Variants in RBP3 observed in about 807,000 individuals in gnomAD.
The protein encoded by RBP3 is retinol binding protein 3, also known as retinol-binding protein 3.
In RBP3, 50 loss-of-function variants were observed where a neutral mutation model predicts 64.8. The observed-to-expected ratio is 0.77, with a 90% CI of 0.61 to 0.98. The LOEUF is 0.98. Among genes scored for constraint, RBP3 ranks in the 50% least tolerant of loss-of-function variants. RBP3 has a pLI of 0.00. For missense variants in RBP3, 1,712 were observed against 1,660.5 expected (o/e 1.03, Z -0.54); for synonymous variants, 828 against 730.2 (o/e 1.13, Z -2.16).
rs1837005902 is a variant in RBP3, at chr10:47,353,453, G to A, written c.3183G>A (p.Arg1061=). Residue 1061 remains arginine (R), a synonymous_variant, in exon 2 of 4, where the codon AGG becomes AGA. Coordinates refer to ENST00000584701, the MANE Select transcript of RBP3 (RefSeq NM_002900.3). The stretch of plus-strand genomic sequence containing the variant: ...GTGAGCTGCTCACCCAGGTCTCCAG[G>A]CTGCTGGTGGAGCACATCTGGAAGA... ...GDGELLTQVS[R]LLVEHIWKKI... The A allele has an allele frequency of 3.7e-6, 6 of 1,614,174 alleles. No homozygotes were observed. Among genetic ancestry groups the A allele is most frequent in the Non-Finnish European group, 5.1e-6 (6 of 1,180,044 alleles).
Position 47,348,541 on chromosome 10 carries a change from C to A in RBP3, c.57C>A (p.Pro19=). 1 of 1,611,732 alleles carries A rather than the reference C, an allele frequency of 6.2e-7. No individual in the cohort carries two copies. The highest frequency in any genetic ancestry group is 8.5e-7 in the Non-Finnish European group (1 of 1,180,018). ...MSVLLCGLAG[P]THLFQPSLVL... ...TGCTGCTCTGTGGCCTGGCTGGCCC[C>A]ACACACCTGTTCCAGCCAAGCCTGG... The change falls in exon 1 of 4, where the codon CCC becomes CCA. Residue 19 remains proline, a synonymous_variant. Transcript: ENST00000584701.
chr10:47,350,208 A>T lies in RBP3; in HGVS notation c.1724A>T (p.His575Leu). 6.2e-7 allele frequency: 1 copy of T among 1,609,934 alleles called. No homozygotes were observed. The highest frequency in any genetic ancestry group is 1.7e-5 in the Admixed American group (1 of 60,020). Residue 575 changes from histidine (H) to leucine (L), a missense_variant, in exon 1 of 4, where the codon CAC (histidine) becomes CTC (leucine). Physicochemically the swap from His to Leu is moderately conservative, Grantham distance 99. Transcript: ENST00000584701. ...VGEITAGNLL[H>L]TRTVPLLDTP... is the part of the protein sequence containing the mutation. Reference sequence around the variant, plus strand: ...GAGATCACCGCGGGCAACCTGCTGCACACCCGCACGGTGCCGCTGCTGGAC... The same window carrying T: ...GAGATCACCGCGGGCAACCTGCTGCTCACCCGCACGGTGCCGCTGCTGGAC...
rs781828345 is a variant in RBP3 at position 47,349,460 on chromosome 10, C to T, written c.976C>T (p.Leu326Phe). ...ALAILTLRSA[L>F]PGVVHCLQEV... ...GGCCATCCTCACTCTGCGCAGCGCC[C>T]TTCCAGGGGTAGTCCACTGCCTCCA... Residue 326 changes from leucine (L) to phenylalanine (F), a missense_variant, in exon 1 of 4, where the codon CTT (leucine) becomes TTT (phenylalanine). Leu to Phe is a conservative substitution (Grantham distance 22). Coordinates refer to ENST00000584701, the MANE Select transcript of RBP3 (RefSeq NM_002900.3). 1 of 1,612,720 alleles carries T rather than the reference C, an allele frequency of 6.2e-7. No homozygotes were observed. The highest frequency in any genetic ancestry group is 8.5e-7 in the Non-Finnish European group (1 of 1,180,016).
At position 47,357,493 on chromosome 10, in the gene RBP3, G is replaced by A; in HGVS notation, c.*36G>A. 1 of 1,556,224 alleles carries A rather than the reference G, an allele frequency of 6.4e-7. No individual in the cohort carries two copies. Among genetic ancestry groups the A allele is most frequent in the Non-Finnish European group, 8.7e-7 (1 of 1,146,620 alleles). On this transcript the variant is annotated 3_prime_UTR_variant, in exon 4 of 4. Transcript: ENST00000584701. ...CATAGGCAGAGCCCCAGGGCAGACA[G>A]AACCTCTGGGACACACACCAAGGGC... is the stretch of plus-strand genomic sequence containing the variant.
intron 2 of RBP3, among the ~76,000 whole-genome samples, chr10:47,354,573 T>C (rs1837021815): frequency 6.6e-6 from 1 of 152,248 alleles, no homozygotes; most frequent in African/African-American, 2.4e-5. Flanking sequence ...AGAAGTTCTG[T>C]TGAGCACCCA....
intron 3 of RBP3, among the ~76,000 whole-genome samples, 178 bp from the exon 4 acceptor site, chr10:47,356,919 GTCCCC>G (rs1555212025): frequency 3.9e-5 from 6 of 152,194 alleles, no homozygotes; most frequent in Non-Finnish European, 7.3e-5. Flanking sequence ...ATGCATTCTT[GTCCCC>G]ATTTTACGGA....
rs781801875 is a variant in RBP3 at position 47,350,736 on chromosome 10, T to C, written c.2252T>C (p.Met751Thr). ...CTGGGCTACCTGCGTTTTGACGCCA[T>C]GGCTGAACTGGAGACAGTGAAGGCC... Reference protein sequence around the residue: ...GQLGYLRFDAMAELETVKAVG... With the variant: ...GQLGYLRFDATAELETVKAVG... Residue 751 changes from methionine to threonine, a missense_variant, in exon 1 of 4, where the codon ATG becomes ACG. By Grantham distance (81) the Met-to-Thr change is moderately conservative. Transcript: ENST00000584701. The C allele has an allele frequency of 3.1e-6, 5 of 1,613,208 alleles. No homozygotes were observed. The Admixed American group carries it at 6.7e-5, about 21-fold the overall frequency.
rs1555211402 is a variant in RBP3, at chr10:47,350,551, C to G, written c.2067C>G (p.Asp689Glu). The G allele has an allele frequency of 6.2e-7, 1 of 1,612,988 alleles. No individual in the cohort carries two copies. Among genetic ancestry groups the G allele is most frequent in the East Asian group, 2.2e-5 (1 of 44,888 alleles). The change falls in exon 1 of 4, where the codon GAC becomes GAG. Residue 689 changes from aspartate to glutamate, a missense_variant. Transcript: ENST00000584701. ...LESLASQLTADLQEVSGDHRL... is the reference protein window; with the variant it reads ...LESLASQLTAELQEVSGDHRL... ...CTCTGGCCTCTCAGCTCACAGCAGACCTCCAGGAGGTGTCTGGGGACCACC... is the reference window on the plus strand; with the variant it reads ...CTCTGGCCTCTCAGCTCACAGCAGAGCTCCAGGAGGTGTCTGGGGACCACC...
rs1486146394 is a variant in RBP3, at chr10:47,357,205, C to T, written c.3492C>T (p.Ala1164=). The T allele has an allele frequency of 6.2e-7, 1 of 1,614,012 alleles. No homozygotes were observed. Among genetic ancestry groups the T allele is most frequent in the Non-Finnish European group, 8.5e-7 (1 of 1,180,022 alleles). Residue 1164 remains alanine, a synonymous_variant, in exon 4 of 4, where the codon GCC becomes GCT. Transcript: ENST00000584701. ...ATATCATGAAGAGGCTGGGCCGGGC[C>T]CTGGTCATTGGGGAGGTGACCAGTG... The part of the protein sequence containing the change: ...FTYIMKRLGR[A]LVIGEVTSGG...
Position 47,350,086 on chromosome 10 carries a change from A to C in RBP3, c.1602A>C (p.Gln534His). Residue 534 changes from glutamine to histidine, a missense_variant, in exon 1 of 4, where the codon CAA becomes CAC. Gln to His is a conservative substitution (Grantham distance 24). Transcript: ENST00000584701. ...TCCCGGGCCCACGCTACAGCACCCA[A>C]CGTGGGGTGTATCTGCTCACCAGCC... ...MELPGPRYST[Q>H]RGVYLLTSHR... is the part of the protein sequence containing the mutation. The C allele has an allele frequency of 6.2e-7, 1 of 1,612,996 alleles. No individual in the cohort carries two copies. Among genetic ancestry groups the C allele is most frequent in the Non-Finnish European group, 8.5e-7 (1 of 1,179,990 alleles).
At position 47,350,470 on chromosome 10, in the gene RBP3, C is replaced by T. The variant is rs1323676952; in HGVS notation, c.1986C>T (p.Ala662=). The T allele has an allele frequency of 1.2e-6, 2 of 1,612,564 alleles. No individual in the cohort carries two copies. Among genetic ancestry groups the T allele is most frequent in the Non-Finnish European group, 1.7e-6 (2 of 1,180,012 alleles). The change falls in exon 1 of 4, where the codon GCC becomes GCT. Residue 662 remains alanine (A), a synonymous_variant. Coordinates refer to ENST00000584701, the MANE Select transcript of RBP3 (RefSeq NM_002900.3). ...CAGAGGTCGTGGGGCAGACCAGTGC[C>T]CTCCTGCGGGCCAAGCTGGCCCAGG... The part of the protein sequence containing the change: ...ARPEVVGQTS[A]LLRAKLAQGA...
chr10:47,355,810 C>T (rs1483099140), intron 3 of RBP3, among the ~76,000 whole-genome samples: 1 of 152,062 alleles, frequency 6.6e-6, no homozygotes, highest in Non-Finnish European at 1.5e-5. Flanking sequence ...CCAAAATTTC[C>T]CCCAGGCTTA....
At chr10:47,354,011 TATGAATCGTACAGGCAGAA>T (rs1442419508) in intron 2 of RBP3, among the ~76,000 whole-genome samples, 2 of 152,218 alleles carry the variant, frequency 1.3e-5, no homozygotes, top group Admixed American at 6.5e-5. Flanking sequence ...ACCCTGGTCA[TATGAATCGTACAGGCAGAA>T]TTTGGAAATC....
At position 47,350,247 on chromosome 10, in the gene RBP3, G is replaced by A; in HGVS notation, c.1763G>A (p.Ser588Asn). 15 of 1,607,634 alleles carry A rather than the reference G, an allele frequency of 9.3e-6. No individual in the cohort carries two copies. Among genetic ancestry groups the A allele is most frequent in the Non-Finnish European group, 1.3e-5 (15 of 1,179,918 alleles). The change falls in exon 1 of 4, where the codon AGC (serine) becomes AAC (asparagine). Residue 588 changes from serine (S) to asparagine (N), a missense_variant. Transcript: ENST00000584701. The part of the protein sequence containing the change: ...TVPLLDTPEG[S>N]LALTVPVLTF... ...CCGCTGCTGGACACACCCGAAGGCA[G>A]CCTCGCGCTCACCGTGCCGGTCCTC...
rs1427059677 is a variant in RBP3, at chr10:47,348,408, T to TG, written c.-76dup. ...GAGAAGGACAAGGGCGGAAGGCAGC[T>TG]GCACAGAGCAGGGCCACGGCCTTGC... On this transcript the variant is annotated 5_prime_UTR_variant, in exon 1 of 4. Coordinates refer to ENST00000584701, the MANE Select transcript of RBP3 (RefSeq NM_002900.3). 6.6e-7 allele frequency: 1 copy of TG among 1,521,160 alleles called. No homozygotes were observed. The highest frequency in any genetic ancestry group is 8.9e-7 in the Non-Finnish European group (1 of 1,125,298). 94.2% of individuals were successfully genotyped at this position (1,521,160 alleles called of 1,614,324 possible). A position where few individuals can be genotyped will look rare whatever the true frequency, so the allele number is the denominator to read the frequency against.
chr10:47,355,540 T>C, intron 3 of RBP3, 22 bp downstream of exon 3: 1 of 1,614,054 alleles, frequency 6.2e-7, no homozygotes, highest in Non-Finnish European at 8.5e-7. Context: ...AGCTTTCTCC[T>C]TTCTGCTGTC....
At position 47,349,519 on chromosome 10, in the gene RBP3, C is replaced by T. The variant is rs188824528; in HGVS notation, c.1035C>T (p.Asp345=). Residue 345 remains aspartate (D), a synonymous_variant, in exon 1 of 4, where the codon GAC becomes GAT. Coordinates refer to ENST00000584701, the MANE Select transcript of RBP3 (RefSeq NM_002900.3). ...TGAAGGACTACTACACGCTGGTGGA[C>T]CGTGTGCCCACCCTGCTGCAGCACT... ...EVLKDYYTLV[D]RVPTLLQHLA... is the part of the protein sequence containing the mutation. 2.8e-5 allele frequency: 45 copies of T among 1,613,022 alleles called. No homozygotes were observed. The African/African-American group carries it at 5.6e-4, about 20-fold the overall frequency.
chr10:47,355,277 A>C, intron 2 of RBP3, 99 bp from the exon 3 acceptor site: 1 of 1,496,898 alleles, frequency 6.7e-7, no homozygotes, highest in Non-Finnish European at 9.2e-7. Flanking sequence ...GCCAAGAATT[A>C]GAACCCTCCA....
In RBP3 at chr10:47,351,075, G is replaced by T; in HGVS notation, c.2591G>T (p.Arg864Leu). Residue 864 changes from arginine to leucine, a missense_variant, in exon 1 of 4, where the codon CGG (arginine) becomes CTG (leucine). Coordinates refer to ENST00000584701, the MANE Select transcript of RBP3 (RefSeq NM_002900.3). ...AFAHTMQDLQ[R>L]ATVIGEPTAG... ...GCACACACCATGCAGGACCTGCAGC[G>T]GGCCACGGTCATTGGGGAGCCCACG... 1 of 1,611,986 alleles carries T rather than the reference G, an allele frequency of 6.2e-7. No individual in the cohort carries two copies. Among genetic ancestry groups the T allele is most frequent in the Non-Finnish European group, 8.5e-7 (1 of 1,179,914 alleles).
Sources: allele counts gnomAD v4.1 joint callset (sites outside exome capture counted in the v4.1 genomes callset), GRCh38; gene constraint gnomAD v4.1.1; transcripts MANE v1.5; gene names NCBI Gene and HGNC (gene_info 2026-07-23, HGNC 2026-07-21).